The following EPB41L1 variants were observed in gnomAD, a reference collection of about 807,000 sequenced individuals.
EPB41L1 encodes the protein erythrocyte membrane protein band 4.1 like 1.
Under a neutral mutation model 97.8 loss-of-function variants are expected in EPB41L1, and 29 were observed. The observed-to-expected ratio is 0.30, with a 90% confidence interval of 0.22 to 0.40. EPB41L1 has a LOEUF of 0.40. Among genes scored for constraint, EPB41L1 ranks in the 10% least tolerant of loss-of-function variants. The pLI is 1.00. For missense variants in EPB41L1, 812 were observed against 1,162.3 expected (o/e 0.70, Z 4.38); for synonymous variants, 383 against 459.2 (o/e 0.83, Z 2.12).
chr20:36,180,812 G>A (rs1474070208), intron 5 of EPB41L1, among the ~76,000 whole-genome samples: 1 of 152,020 alleles, frequency 6.6e-6, no homozygotes, highest in East Asian at 1.9e-4. Context: ...TTATTCCTGA[G>A]GTAGGAATTC....
intron 1 of EPB41L1, among the ~76,000 whole-genome samples, chr20:36,160,355 G>A (rs1389577924): frequency 1.3e-5 from 2 of 152,118 alleles, no homozygotes; most frequent in South Asian, 2.1e-4. Context: ...AGGCTGAGGC[G>A]GGTAGATCAC....
At chr20:36,121,471 T>C (rs2058750488) in intron 2 of EPB41L1, among the ~76,000 whole-genome samples, 1 of 152,168 alleles carries the variant, frequency 6.6e-6, no homozygotes, top group South Asian at 2.1e-4. Context: ...TCTGTGGCCA[T>C]GCTGGGTGAC....
chr20:36,106,304 A>T (rs1232901550), intron 1 of EPB41L1, among the ~76,000 whole-genome samples: 1 of 152,180 alleles, frequency 6.6e-6, no homozygotes, highest in Non-Finnish European at 1.5e-5. Context: ...CTGCCAAAAG[A>T]CTGGGAGATT....
chr20:36,140,365 C>CCAA (rs1204223971), intron 2 of EPB41L1, among the ~76,000 whole-genome samples: 2 of 152,020 alleles, frequency 1.3e-5, no homozygotes, highest in Non-Finnish European at 2.9e-5. Flanking sequence ...GCCACCGCAC[C>CCAA]CAACCAGGAT....
chr20:36,206,872 A>C lies in EPB41L1; in HGVS notation c.1669-2616A>C, dbSNP rs1239551252. On this transcript the variant is annotated intron_variant, in intron 14 of 21. Transcript: ENST00000338074. This position sits in a 1 kb window ranked among gnomAD's most constrained non-coding sequence, Gnocchi z 5.5. ...GGAAAGTCCCACAGAGGAACTGAAG[A>C]AGCACCCTCCTCACAGAGGACAGGG... 2 of 1,289,766 alleles carry C rather than the reference A, an allele frequency of 1.6e-6. No homozygotes were observed. The highest frequency in any genetic ancestry group is 2.0e-6 in the Non-Finnish European group (2 of 988,890). 79.9% of individuals were successfully genotyped at this position (1,289,766 alleles called of 1,614,324 possible).
At chr20:36,125,468 G>T (rs751562356) in intron 2 of EPB41L1, 1 of 1,122,886 alleles carries the variant, frequency 8.9e-7, no homozygotes. Flanking sequence ...GAGGATCAAT[G>T]AGGTAGAACC....
At chr20:36,111,819 C>G (rs2058414621) in intron 1 of EPB41L1, among the ~76,000 whole-genome samples, 1 of 150,010 alleles carries the variant, frequency 6.7e-6, no homozygotes, top group South Asian at 2.1e-4. Context: ...AAAGAAAAGA[C>G]TCCGAGGGAT....
rs1308198546 is a variant in EPB41L1, at chr20:36,178,138, G to A, written c.447+82G>A. ...TGGCCACCCCCAACAGCATCCATTA[G>A]TGCTCAAATCATTAAGCATCTTCTG... On this transcript the variant is annotated intron_variant, in intron 4 of 21. Coordinates refer to ENST00000338074, the MANE Select transcript of EPB41L1 (RefSeq NM_012156.2). 4 of 1,021,262 alleles carry A rather than the reference G, an allele frequency of 3.9e-6. No homozygotes were observed. In the African/African-American group the frequency reaches 4.7e-5, roughly 12 times the overall value. 63.3% of individuals were successfully genotyped at this position (1,021,262 alleles called of 1,614,324 possible). A position where few individuals can be genotyped will look rare whatever the true frequency, so the allele number is the denominator to read the frequency against.
intron 2 of EPB41L1, among the ~76,000 whole-genome samples, chr20:36,131,674 ATAC>A (rs1277571134): frequency 2.6e-5 from 4 of 152,140 alleles, no homozygotes; most frequent in Non-Finnish European, 5.9e-5. Context: ...GACACTTGAA[ATAC>A]TACGGTAAGC....
intron 2 of EPB41L1, among the ~76,000 whole-genome samples, chr20:36,134,339 G>A (rs767733478): frequency 2.6e-5 from 4 of 152,216 alleles, no homozygotes; most frequent in Non-Finnish European, 4.4e-5. Context: ...ACTGGCTCAC[G>A]CTGTGAACTT....
chr20:36,113,828 C>T (rs778274177), intron 2 of EPB41L1: 25 of 152,510 alleles, frequency 1.6e-4, no homozygotes, highest in Non-Finnish European at 1.2e-4. Context: ...GGTGGGGCTC[C>T]GTTAAGGGGA....
At chr20:36,213,396 A>G (rs2063252008) in intron 16 of EPB41L1, among the ~76,000 whole-genome samples, 1 of 152,182 alleles carries the variant, frequency 6.6e-6, no homozygotes, top group Non-Finnish European at 1.5e-5. Context: ...CAGGGAAAAA[A>G]AGAGAGAGAA....
chr20:36,092,908 T>C lies in EPB41L1; in HGVS notation c.-65+1296T>C, dbSNP rs1601168377. 6.6e-6 allele frequency: 1 copy of C among 151,754 alleles called. No homozygotes were observed. Among genetic ancestry groups the C allele is most frequent in the African/African-American group, 2.4e-5 (1 of 41,380 alleles). The allele number at this position is 151,754 out of a possible 1,614,324, so 9.4% of individuals were successfully genotyped here. A position where few individuals can be genotyped will look rare whatever the true frequency, so the allele number is the denominator to read the frequency against. ...GGGGTGGCCGCCGAGGGCGGCGGGC[T>C]CGATTCCCGATCTTTGGGCACTGAC... On this transcript the variant is annotated intron_variant, in intron 1 of 19. Transcript: ENST00000202028. The surrounding 1 kb of genome is among the most constrained non-coding windows in gnomAD (Gnocchi z 7.0).
intron 9 of EPB41L1, 32 bp downstream of exon 9, chr20:36,188,531 C>T (rs1265206944): frequency 2.6e-6 from 4 of 1,567,848 alleles, no homozygotes; most frequent in South Asian, 2.3e-5. Flanking sequence ...CTCCTCCTCA[C>T]CGGAATCAAC....
At chr20:36,130,816 T>TC (rs60416409) in intron 2 of EPB41L1, among the ~76,000 whole-genome samples, 15 of 150,318 alleles carry the variant, frequency 1.0e-4, no homozygotes, top group East Asian at 3.9e-4. Context: ...TCTCTCTCTC[T>TC]TTTTTTCCCC....
In EPB41L1 at chr20:36,143,933, A is replaced by C. The variant is rs576835464; in HGVS notation, c.-10+31453A>C. Among the ~76,000 whole-genome samples, 52 of 151,738 alleles carry C rather than the reference A, an allele frequency of 3.4e-4. 2 individuals are homozygous for C. In the South Asian group the frequency reaches 6.2e-3, roughly 18 times the overall value. ...AGTGGCGCGATTTTGGCTCACTGCA[A>C]CCTCTGCCTCCCGGGTTCAAGTGAT... is the stretch of plus-strand genomic sequence containing the variant. On this transcript the variant is annotated intron_variant, in intron 2 of 19. Coordinates refer to the EPB41L1 transcript ENST00000202028.
rs2064389160 is a variant in EPB41L1, at chr20:36,229,450, G to C, written c.*110G>C. 9.9e-7 allele frequency: 1 copy of C among 1,013,382 alleles called. No homozygotes were observed. The highest frequency in any genetic ancestry group is 1.3e-5 in the South Asian group (1 of 78,394). The allele number at this position is 1,013,382 out of a possible 1,614,324, so 62.8% of individuals were successfully genotyped here. A position where few individuals can be genotyped will look rare whatever the true frequency, so the allele number is the denominator to read the frequency against. On this transcript the variant is annotated 3_prime_UTR_variant, in exon 22 of 22. Coordinates refer to ENST00000338074, the MANE Select transcript of EPB41L1 (RefSeq NM_012156.2). ...GCAACACTGACGTCCCAGCTGCGAC[G>C]TACTGTCACTGATGAGAGACTGGGA...
intron 2 of EPB41L1, among the ~76,000 whole-genome samples, chr20:36,113,408 TTGTGTGTGTG>T (rs3057822): frequency 0.014 from 2,034 of 143,530 alleles, 23 homozygotes; most frequent in African/African-American, 0.037. Context: ...AACTTTCCAT[TTGTGTGTGTG>T]TGTGTGTGTG....
rs2061918398 is a variant in EPB41L1 at position 36,190,879 on chromosome 20, G to A, written c.1300+82G>A. 1 of 1,561,878 alleles carries A rather than the reference G, an allele frequency of 6.4e-7. No individual in the cohort carries two copies. Among genetic ancestry groups the A allele is most frequent in the Non-Finnish European group, 8.7e-7 (1 of 1,154,134 alleles). On this transcript the variant is annotated intron_variant, in intron 11 of 21. Coordinates refer to ENST00000338074, the MANE Select transcript of EPB41L1 (RefSeq NM_012156.2). The surrounding 1 kb of genome is among the most constrained non-coding windows in gnomAD (Gnocchi z 5.8). ...GTGGGCATGCTGGGTTCTGCAGAAT[G>A]AGCAGGAAAATGGTAGATGCATCCC...
Sources: gnomAD v4.1 joint callset for allele counts (sites outside exome capture counted in the v4.1 genomes callset) on GRCh38, gnomAD v4.1.1 for gene constraint, Gnocchi (gnomAD v3.1) non-coding constraint, MANE v1.5 for transcripts, NCBI Gene and HGNC (gene_info 2026-07-23, HGNC 2026-07-21) for gene names.